SOD2: variants seen among roughly 807,000 people sequenced by gnomAD.
The protein encoded by SOD2 is superoxide dismutase 2, also known as superoxide dismutase [Mn], mitochondrial.
A neutral mutation model predicts 27.0 loss-of-function variants in SOD2; 11 were observed. That is an observed-to-expected ratio of 0.41 (90% CI 0.26 to 0.67). SOD2 has a LOEUF of 0.67. Ranked by LOEUF, SOD2 falls within the 30% of genes least tolerant of loss-of-function variation. The pLI, the probability that SOD2 is intolerant of heterozygous loss-of-function variation, is 0.34. For synonymous variants in SOD2, 105 were observed against 103.0 expected (o/e 1.02, Z -0.12); for missense variants, 250 against 274.5 (o/e 0.91, Z 0.63).
upstream of SOD2, among the ~76,000 whole-genome samples, chr6:159,745,965 T>C (rs184990501): frequency 1.8e-4 from 27 of 152,080 alleles, no homozygotes; most frequent in Admixed American, 1.0e-3. Flanking sequence ...TTGTCTTGTT[T>C]GACTGAGTAA....
At chr6:159,744,462 G>A (rs1301625467) in intron 1 of SOD2, among the ~76,000 whole-genome samples, 2 of 152,110 alleles carry the variant, frequency 1.3e-5, no homozygotes, top group Admixed American at 6.5e-5. Flanking sequence ...CTTCTTATGT[G>A]TTATTAAAGT....
intron 1 of SOD2, among the ~76,000 whole-genome samples, chr6:159,721,659 A>G (rs534323229): frequency 1.2e-4 from 16 of 137,200 alleles, no homozygotes; most frequent in African/African-American, 4.3e-4. Context: ...TACAGGCATG[A>G]GCCACTGCGG....
intron 1 of SOD2, among the ~76,000 whole-genome samples, chr6:159,706,987 T>C (rs1219796940): frequency 2.0e-5 from 3 of 152,156 alleles, no homozygotes; most frequent in East Asian, 1.9e-4. Flanking sequence ...CTCAACTTCA[T>C]GGAAACTGAA....
chr6:159,708,957 T>C (rs946973319), intron 1 of SOD2, among the ~76,000 whole-genome samples: 2 of 151,944 alleles, frequency 1.3e-5, no homozygotes, highest in African/African-American at 4.8e-5. Flanking sequence ...TCAGAAATAA[T>C]ACCACACATC....
At chr6:159,709,568 TATC>T (rs1203500417) in intron 1 of SOD2, among the ~76,000 whole-genome samples, 2 of 152,150 alleles carry the variant, frequency 1.3e-5, no homozygotes, top group African/African-American at 2.4e-5. Context: ...CACAATGAGA[TATC>T]ATCTCACATC....
At chr6:159,738,962 T>C in intron 1 of SOD2, 1 of 1,577,756 alleles carries the variant, frequency 6.3e-7, no homozygotes, top group Non-Finnish European at 8.7e-7. Context: ...GGAAGAACAC[T>C]AAATTCATAT....
intron 1 of SOD2, among the ~76,000 whole-genome samples, chr6:159,744,840 C>A (rs937492926): frequency 8.5e-5 from 13 of 152,154 alleles, no homozygotes; most frequent in African/African-American, 3.1e-4. Context: ...CCACCAAGCG[C>A]AGCTAATTTC....
chr6:159,717,764 C>T (rs2495279), intron 1 of SOD2, among the ~76,000 whole-genome samples: 115,981 of 151,908 alleles, frequency 0.76, 44,672 homozygotes, highest in South Asian at 0.85. Context: ...TCTCTACTTC[C>T]ATGAGATCAA....
At chr6:159,725,490 A>C (rs1583050602) in intron 1 of SOD2, 1 of 151,708 alleles carries the variant, frequency 6.6e-6, no homozygotes, top group African/African-American at 2.4e-5. Context: ...AAAAAAAAAA[A>C]AAAAACCCAA....
upstream of SOD2, among the ~76,000 whole-genome samples, chr6:159,728,505 A>G (rs1206418603): frequency 6.6e-6 from 1 of 152,216 alleles, no homozygotes; most frequent in Non-Finnish European, 1.5e-5. Flanking sequence ...ATTTGTGCCT[A>G]TTTTATCTAG....
At chr6:159,693,553 G>T (rs36233377), upstream of SOD2, among the ~76,000 whole-genome samples, 163 of 152,318 alleles carry the variant, frequency 1.1e-3, no homozygotes, top group Non-Finnish European at 1.1e-3. Flanking sequence ...GAGTTGGTAC[G>T]GCCCGAAGGC....
chr6:159,732,592 T>C (rs1001000545), intron 1 of SOD2, among the ~76,000 whole-genome samples: 1 of 152,178 alleles, frequency 6.6e-6, no homozygotes, highest in South Asian at 2.1e-4. Flanking sequence ...CCCAACACTT[T>C]GGGAGGCCAA....
At chr6:159,720,645 ATAAC>A (rs1446284909) in intron 1 of SOD2, 4 of 152,182 alleles carry the variant, frequency 2.6e-5, no homozygotes, top group African/African-American at 9.7e-5. Flanking sequence ...CAGCTGCTCA[ATAAC>A]TATTTATTGC....
chr6:159,738,751 A>G (rs932572687), intron 1 of SOD2, among the ~76,000 whole-genome samples: 4 of 152,204 alleles, frequency 2.6e-5, no homozygotes, highest in Middle Eastern at 3.4e-3. Context: ...CATTCTAATC[A>G]GTGTGTGGTG....
At position 159,692,729 on chromosome 6, in the gene SOD2, T is replaced by C. The variant is rs1213790018; in HGVS notation, c.158A>G (p.Lys53Arg). The C allele has an allele frequency of 1.2e-5, 19 of 1,614,024 alleles. No individual in the cohort carries two copies. The highest frequency in any genetic ancestry group is 2.7e-5 in the African/African-American group (2 of 74,936). Residue 53 changes from lysine (K) to arginine (R), a missense_variant, in exon 2 of 5, where the codon AAG becomes AGG. Coordinates refer to ENST00000538183, the MANE Select transcript of SOD2 (RefSeq NM_000636.4). ...GTTGTTCACGTAGGCCGCGTGGTGC[T>C]TGCTGTGGTGCAGCTGCATGATCTG... ...NAQIMQLHHS[K>R]HHAAYVNNLN...
At chr6:159,683,855 G>A (rs1167865314) in intron 4 of SOD2, among the ~76,000 whole-genome samples, 6 of 152,206 alleles carry the variant, frequency 3.9e-5, no homozygotes, top group African/African-American at 1.2e-4. Context: ...CAAAATCTGG[G>A]TCTATCCTGT....
intron 1 of SOD2, among the ~76,000 whole-genome samples, chr6:159,739,929 G>T (rs1470433547): frequency 1.7e-4 from 19 of 111,538 alleles, no homozygotes; most frequent in African/African-American, 6.2e-4. Context: ...TTAAATTTTT[G>T]TTATTCTAAA....
At chr6:159,717,929 A>G (rs189524590) in intron 1 of SOD2, among the ~76,000 whole-genome samples, 2,737 of 144,586 alleles carry the variant, frequency 0.019, 20 homozygotes, top group Non-Finnish European at 0.025. Context: ...GTGTGTGTGT[A>G]TATGTGTATA....
At chr6:159,692,924 G>T (rs1245118056) in intron 1 of SOD2, 61 bp from the exon 2 acceptor site, 1 of 1,442,276 alleles carries the variant, frequency 6.9e-7, no homozygotes, top group Non-Finnish European at 9.2e-7. Flanking sequence ...CGCAGGCTGG[G>T]CTGCCGAGGA....
Sources: gnomAD v4.1 joint callset for allele counts (sites outside exome capture counted in the v4.1 genomes callset) on GRCh38, gnomAD v4.1.1 for gene constraint, MANE v1.5 for transcripts, NCBI Gene and HGNC (gene_info 2026-07-23, HGNC 2026-07-21) for gene names.